The following GRAMD1B variants were observed in gnomAD, a reference collection of about 807,000 sequenced individuals.
The protein encoded by GRAMD1B is protein Aster-B.
A neutral mutation model predicts 99.7 loss-of-function variants in GRAMD1B; 37 were observed. The ratio of observed to expected loss-of-function variants is 0.37; its 90% CI spans 0.29 to 0.49. The LOEUF (loss-of-function observed/expected upper bound fraction) is 0.49, where lower values mean the gene tolerates loss of function less well. GRAMD1B is among the 20% of genes least tolerant of loss of function. GRAMD1B has a pLI of 0.98. For synonymous variants in GRAMD1B, 427 were observed against 387.6 expected, an observed-to-expected ratio of 1.10 and a Z score of -1.19; for missense variants, 888 against 1,009.2, an observed-to-expected ratio of 0.88 and a Z score of 1.63.
chr11:123,594,309 C>T, intron 5 of GRAMD1B, 143 bp downstream of exon 5: 1 of 666,206 alleles, frequency 1.5e-6, no homozygotes, highest in South Asian at 1.8e-5. Flanking sequence ...CCCCTGGCCC[C>T]AGCTGTCAGG....
chr11:123,566,593 C>T lies in GRAMD1B; in HGVS notation c.453-10774C>T, dbSNP rs191898711. 3.8e-3 allele frequency among the ~76,000 whole-genome samples: 583 copies of T among 152,202 alleles called. 2 individuals are homozygous for T. Among genetic ancestry groups the T allele is most frequent in the Admixed American group, 5.0e-3 (77 of 15,288 alleles). On this transcript the variant is annotated intron_variant, in intron 2 of 19. Coordinates refer to ENST00000635736, the MANE Select transcript of GRAMD1B (RefSeq NM_001387025.1). ...CATCCTGGCTAACATGGTGAAACCC[C>T]GTCTCTACTAAAAATACAAAAAATT...
chr11:123,383,236 C>CTT (rs888449830), intron 1 of GRAMD1B, among the ~76,000 whole-genome samples: 3 of 148,090 alleles, frequency 2.0e-5, no homozygotes, highest in Non-Finnish European at 4.5e-5. Context: ...CTCTCTCTCT[C>CTT]ATTTCACCTA....
intron 2 of GRAMD1B, among the ~76,000 whole-genome samples, chr11:123,527,053 G>A (rs1335550473): frequency 6.6e-6 from 1 of 152,166 alleles, no homozygotes; most frequent in East Asian, 1.9e-4. Flanking sequence ...AGAGGAGAAA[G>A]GCTCCTTGGA....
chr11:123,542,261 C>T (rs151254111), intron 2 of GRAMD1B, among the ~76,000 whole-genome samples: 792 of 152,328 alleles, frequency 5.2e-3, no homozygotes, highest in Middle Eastern at 0.017. Context: ...TGCCAGATCC[C>T]TGAGGATAAT....
chr11:123,479,310 A>T (rs1023554009), intron 1 of GRAMD1B, among the ~76,000 whole-genome samples: 5 of 152,226 alleles, frequency 3.3e-5, no homozygotes, highest in African/African-American at 1.2e-4. Flanking sequence ...ACATAAGAGC[A>T]TGTGGTAACT....
intron 19 of GRAMD1B, among the ~76,000 whole-genome samples, chr11:123,620,454 C>T (rs1379344280): frequency 7.8e-5 from 8 of 102,510 alleles, no homozygotes; most frequent in African/African-American, 3.1e-4. Context: ...AGCCTGGCAA[C>T]AGAGTGAGAC....
chr11:123,431,170 C>A lies in GRAMD1B; in HGVS notation c.374+4C>A. On this transcript the variant is annotated splice_donor_region_variant and intron_variant, in intron 1 of 19. Coordinates refer to ENST00000635736, the MANE Select transcript of GRAMD1B (RefSeq NM_001387025.1). Reference sequence around the variant, plus strand: ...GGAAGGAGTGCAGTGAAAGCAGGTACGTCCCCGTTCCGCCCGTCTCCTTCC... The same window carrying A: ...GGAAGGAGTGCAGTGAAAGCAGGTAAGTCCCCGTTCCGCCCGTCTCCTTCC... The A allele has an allele frequency of 1.4e-6, 1 of 696,224 alleles. No homozygotes were observed. Among genetic ancestry groups the A allele is most frequent in the Non-Finnish European group, 2.6e-6 (1 of 380,562 alleles). 43.1% of individuals were successfully genotyped at this position (696,224 alleles called of 1,614,324 possible).
At chr11:123,608,627 C>G in intron 11 of GRAMD1B, 32 bp from the exon 12 acceptor site, 1 of 1,570,794 alleles carries the variant, frequency 6.4e-7, no homozygotes, top group Non-Finnish European at 8.6e-7. Flanking sequence ...TCCGCTGTCA[C>G]TGTCTACTTC....
intron 1 of GRAMD1B, among the ~76,000 whole-genome samples, chr11:123,443,252 GA>G (rs1348461036): frequency 7.2e-5 from 11 of 152,138 alleles, no homozygotes; most frequent in African/African-American, 2.7e-4. Context: ...AGATATTAAG[GA>G]TACAGATCAA....
chr11:123,451,382 A>G (rs1391333231), intron 1 of GRAMD1B, among the ~76,000 whole-genome samples: 1 of 152,222 alleles, frequency 6.6e-6, no homozygotes, highest in Non-Finnish European at 1.5e-5. Context: ...ATATGCCCAC[A>G]TCCATACAGC....
rs938378 is a variant in GRAMD1B at position 123,610,894 on chromosome 11, T to G, written c.1919+556T>G. 0.42 allele frequency among the ~76,000 whole-genome samples: 63,537 copies of G among 152,052 alleles called. 13,520 individuals are homozygous for G. Among genetic ancestry groups the G allele is most frequent in the South Asian group, 0.55 (2,664 of 4,816 alleles). ...CACGTATCAGAGTCCAGAGAACACT[T>G]ATTAGTGAATAATTAGTTCTGGGCA... On this transcript the variant is annotated intron_variant, in intron 14 of 19. Transcript: ENST00000635736. The surrounding 1 kb of genome is among the most constrained non-coding windows in gnomAD (Gnocchi z 4.1).
Position 123,612,678 on chromosome 11 carries a change from G to A in GRAMD1B, c.1920-83G>A, listed in dbSNP as rs1953750339. ...TTAGTACAAATGTGAAGCGGATCTG[G>A]CCTTAACTCCGAATTTCCCTTTTCC... On this transcript the variant is annotated intron_variant, in intron 14 of 19. Transcript: ENST00000635736. The A allele has an allele frequency of 7.9e-6, 6 of 763,030 alleles. No individual in the cohort carries two copies. The Admixed American group carries it at 1.0e-4, about 13-fold the overall frequency. The allele number at this position is 763,030 out of a possible 1,614,324, so 47.3% of individuals were successfully genotyped here.
At chr11:123,515,568 T>G (rs762896891) in intron 2 of GRAMD1B, among the ~76,000 whole-genome samples, 1 of 152,146 alleles carries the variant, frequency 6.6e-6, no homozygotes, top group African/African-American at 2.4e-5. Flanking sequence ...ACGGAGAGCC[T>G]TCTTCATAGG....
At chr11:123,490,273 G>A (rs752235255) in intron 2 of GRAMD1B, among the ~76,000 whole-genome samples, 3 of 152,188 alleles carry the variant, frequency 2.0e-5, no homozygotes, top group Non-Finnish European at 4.4e-5. Context: ...TTAGAAGGGT[G>A]AATTGGAAGC....
intron 1 of GRAMD1B, among the ~76,000 whole-genome samples, chr11:123,409,257 A>G (rs900291687): frequency 6.6e-6 from 1 of 152,160 alleles, no homozygotes; most frequent in Non-Finnish European, 1.5e-5. Context: ...ACTCATGCAA[A>G]TTGTATAATT....
chr11:123,463,154 A>C (rs979088194), intron 1 of GRAMD1B, among the ~76,000 whole-genome samples: 1 of 152,174 alleles, frequency 6.6e-6, no homozygotes, highest in Admixed American at 6.5e-5. Flanking sequence ...AACTACAGGC[A>C]TGGGCCACCA....
At chr11:123,480,196 C>T (rs1183021647) in intron 1 of GRAMD1B, among the ~76,000 whole-genome samples, 1 of 152,198 alleles carries the variant, frequency 6.6e-6, no homozygotes, top group Non-Finnish European at 1.5e-5. Context: ...CTTACAGTGC[C>T]TTAAGGTGTG....
chr11:123,526,104 CG>C lies in GRAMD1B; in HGVS notation c.452+45215del, dbSNP rs758164109. ...TGTCCTGGGACCTCCGGAGCTGTAA[CG>C]GGGATGCTAAGGACACGGTCAGTGG... On this transcript the variant is annotated intron_variant, in intron 2 of 19. Transcript: ENST00000635736. 1.1e-5 allele frequency: 17 copies of C among 1,587,822 alleles called. No individual in the cohort carries two copies. The South Asian group carries it at 1.8e-4, about 17-fold the overall frequency.
chr11:123,618,970 G>A (rs1592311791), intron 18 of GRAMD1B, 137 bp from the exon 19 acceptor site: 1 of 684,728 alleles, frequency 1.5e-6, no homozygotes, highest in East Asian at 2.7e-5. Flanking sequence ...CTGATCTGGG[G>A]CACAGGGGAA....
Sources: allele counts gnomAD v4.1 joint callset (sites outside exome capture counted in the v4.1 genomes callset), GRCh38; gene constraint gnomAD v4.1.1; non-coding constraint Gnocchi (gnomAD v3.1); transcripts MANE v1.5; gene names NCBI Gene and HGNC (gene_info 2026-07-23, HGNC 2026-07-21).